The following RNF17 variants were observed in gnomAD, a reference collection of about 807,000 sequenced individuals.
RNF17 encodes ring finger protein 17, also known as spermatogenesis associated 23.
In RNF17, 31 loss-of-function variants were observed where a neutral mutation model predicts 200.5. The observed-to-expected ratio is 0.15, with a 90% CI of 0.12 to 0.21. The LOEUF is 0.21. RNF17 is among the 10% of genes least tolerant of loss of function. The pLI is 1.00. For synonymous variants in RNF17, 606 were observed against 637.8 expected, an observed-to-expected ratio of 0.95 and a Z score of 0.75; for missense variants, 1,628 against 1,905.1, an observed-to-expected ratio of 0.85 and a Z score of 2.71.
intron 32 of RNF17, among the ~76,000 whole-genome samples, chr13:24,873,811 G>A (rs1053426166): frequency 6.6e-6 from 1 of 152,032 alleles, no homozygotes; most frequent in East Asian, 1.9e-4. Flanking sequence ...GAGAACATGC[G>A]ATATTTGTCT....
At chr13:24,831,684 T>G (rs1313912575) in intron 17 of RNF17, among the ~76,000 whole-genome samples, 174 bp from the exon 18 acceptor site, 5 of 152,250 alleles carry the variant, frequency 3.3e-5, no homozygotes, top group Non-Finnish European at 5.9e-5. Context: ...CTGATTTCAA[T>G]GATTTGTGTT....
downstream of RNF17, among the ~76,000 whole-genome samples, chr13:24,880,461 A>T (rs913060410): frequency 6.6e-6 from 1 of 152,232 alleles, no homozygotes; most frequent in African/African-American, 2.4e-5. Context: ...TTTATCATTC[A>T]TATAAATGTC....
Position 24,796,236 on chromosome 13 carries a change from A to G in RNF17, c.1340A>G (p.Lys447Arg), listed in dbSNP as rs527342748. 7 of 1,612,748 alleles carry G rather than the reference A, an allele frequency of 4.3e-6. No homozygotes were observed. In the African/African-American group the frequency reaches 9.3e-5, roughly 21 times the overall value. The stretch of plus-strand genomic sequence containing the variant: ...AAAGACGCCAAAGTACTGGAGAAGA[A>G]GGTGAATGAATTTTGCAATAGGAGT... ...QIKDAKVLEKKVNEFCNRSSH... is the reference protein window; with the variant it reads ...QIKDAKVLEKRVNEFCNRSSH... Residue 447 changes from lysine (K) to arginine (R), a missense_variant, in exon 11 of 36, where the codon AAG (lysine) becomes AGG (arginine). Physicochemically the swap from Lys to Arg is conservative, Grantham distance 26. Around this residue, in one of 5 missense-constraint regions of RNF17, gnomAD observed 289 missense variants for 384.9 expected, o/e 0.75. Coordinates refer to ENST00000255324, the MANE Select transcript of RNF17 (RefSeq NM_031277.3).
chr13:24,767,985 G>A (rs115487696), intron 2 of RNF17, among the ~76,000 whole-genome samples: 3 of 151,732 alleles, frequency 2.0e-5, no homozygotes, highest in Non-Finnish European at 2.9e-5. Context: ...AAAAACCCTA[G>A]CCCCTGTTTT....
Position 24,842,083 on chromosome 13 carries a change from C to A in RNF17, c.2525C>A (p.Ser842Tyr). 6.2e-7 allele frequency: 1 copy of A among 1,611,380 alleles called. No homozygotes were observed. The highest frequency in any genetic ancestry group is 1.1e-5 in the South Asian group (1 of 90,758). ...DNVLLVELFDSLGAPEMTTTS... is the reference protein window; with the variant it reads ...DNVLLVELFDYLGAPEMTTTS... The stretch of plus-strand genomic sequence containing the variant: ...GTGCTCTTAGTTGAGCTTTTCGATT[C>A]TCTTGGTGCTCCTGAAATGACTACT... Residue 842 changes from serine to tyrosine, a missense_variant, in exon 19 of 36, where the codon TCT (serine) becomes TAT (tyrosine). Physicochemically the swap from Ser to Tyr is moderately radical, Grantham distance 144. Around this residue, in one of 5 missense-constraint regions of RNF17, gnomAD observed 227 missense variants for 319.8 expected, o/e 0.71. Coordinates refer to ENST00000255324, the MANE Select transcript of RNF17 (RefSeq NM_031277.3).
rs763491343 is a variant in RNF17 at position 24,851,612 on chromosome 13, G to A, written c.3320+41G>A. On this transcript the variant is annotated intron_variant, in intron 24 of 35. Transcript: ENST00000255324. The stretch of plus-strand genomic sequence containing the variant: ...AAAAATTTTGACATCAGTTTGTGAT[G>A]GATGCCTCAGTTGCGTGTGCAAATC... The A allele has an allele frequency of 3.1e-5, 37 of 1,188,338 alleles. No homozygotes were observed. In the Middle Eastern group the frequency reaches 5.7e-4, roughly 18 times the overall value. The allele number at this position is 1,188,338 out of a possible 1,614,324, so 73.6% of individuals were successfully genotyped here.
chr13:24,802,597 AT>A, intron 14 of RNF17, 26 bp downstream of exon 14: 1 of 1,550,844 alleles, frequency 6.4e-7, no homozygotes, highest in Non-Finnish European at 8.8e-7. Flanking sequence ...AAACTTAAAT[AT>A]TCTTTGAGAT....
intron 24 of RNF17, among the ~76,000 whole-genome samples, chr13:24,853,214 C>T (rs1388019839): frequency 6.6e-6 from 1 of 151,952 alleles, no homozygotes; most frequent in East Asian, 1.9e-4. Flanking sequence ...ATGCCCGGCC[C>T]TTATTTCCTT....
At chr13:24,764,886 GGGGT>G (rs1566105968) in intron 1 of RNF17, among the ~76,000 whole-genome samples, 8 of 62,986 alleles carry the variant, frequency 1.3e-4, no homozygotes, top group Admixed American at 2.0e-4. Flanking sequence ...TGCACCTTGT[GGGGT>G]GTGTGTGTGT....
intron 17 of RNF17, 79 bp from the exon 18 acceptor site, chr13:24,831,779 A>T: frequency 8.1e-7 from 1 of 1,238,670 alleles, no homozygotes; most frequent in Non-Finnish European, 1.1e-6. Context: ...TTAGTTTTGT[A>T]CACACTTAAT....
chr13:24,781,440 G>A (rs1171458290), intron 5 of RNF17, among the ~76,000 whole-genome samples: 3 of 151,476 alleles, frequency 2.0e-5, no homozygotes, highest in Non-Finnish European at 4.4e-5. Flanking sequence ...GAGACCAGCC[G>A]GGGCAACATA....
chr13:24,880,556 A>G (rs1308547512), downstream of RNF17, among the ~76,000 whole-genome samples: 4 of 152,048 alleles, frequency 2.6e-5, no homozygotes, highest in Non-Finnish European at 4.4e-5. Context: ...TTTATTTTCT[A>G]TTTTATTTGC....
chr13:24,868,531 C>A (rs1893916135), intron 30 of RNF17, 69 bp from the exon 31 acceptor site: 8 of 610,190 alleles, frequency 1.3e-5, no homozygotes, highest in South Asian at 1.1e-4. Flanking sequence ...TTGGCACCAT[C>A]ATGAATTTTT....
intron 17 of RNF17, among the ~76,000 whole-genome samples, chr13:24,831,414 C>T (rs1889377513): frequency 6.6e-6 from 1 of 152,076 alleles, no homozygotes; most frequent in African/African-American, 2.4e-5. Context: ...TGCCCTCTAG[C>T]CTGGGTGACA....
chr13:24,812,722 C>T (rs2137841532), intron 15 of RNF17, among the ~76,000 whole-genome samples: 1 of 135,836 alleles, frequency 7.4e-6, no homozygotes, highest in African/African-American at 2.7e-5. Flanking sequence ...CGCTCTGTCG[C>T]CCAGGCTGGA....
chr13:24,885,754 ATCCTG>A, the RNF17 span: 7 of 972,414 alleles, frequency 7.2e-6, no homozygotes, highest in Non-Finnish European at 9.9e-6. Context: ...CTTAGTTCAT[ATCCTG>A]TGAACTGCTG....
intron 15 of RNF17, among the ~76,000 whole-genome samples, chr13:24,806,687 G>T (rs1301624196): frequency 1.3e-5 from 2 of 151,810 alleles, no homozygotes; most frequent in Non-Finnish European, 2.9e-5. Flanking sequence ...TAGGGTACAT[G>T]TGCACAATGT....
chr13:24,887,636 G>A, the RNF17 span, among the ~76,000 whole-genome samples: 1 of 151,922 alleles, frequency 6.6e-6, no homozygotes. Context: ...ACATTATGGT[G>A]AGTTGTATAA....
rs772684842 is a variant in RNF17, at chr13:24,793,135, A to G, written c.1029A>G (p.Leu343=). ...CTTGTTACGATACATACCCACCGCT[A>G]GAAAAGAAAAAGGTTGACATGTCTG... ...ELSCYDTYPP[L]EKKKVDMSVL... The change falls in exon 10 of 36, where the codon CTA becomes CTG. Residue 343 remains leucine, a synonymous_variant. Coordinates refer to ENST00000255324, the MANE Select transcript of RNF17 (RefSeq NM_031277.3). 2 of 1,613,954 alleles carry G rather than the reference A, an allele frequency of 1.2e-6. No homozygotes were observed. Among genetic ancestry groups the G allele is most frequent in the South Asian group, 1.1e-5 (1 of 91,068 alleles).
Sources: gnomAD v4.1 joint callset for allele counts (sites outside exome capture counted in the v4.1 genomes callset) on GRCh38, gnomAD v4.1.1 for gene constraint, gnomAD v4.1.1 regional missense constraint, MANE v1.5 for transcripts, NCBI Gene and HGNC (gene_info 2026-07-23, HGNC 2026-07-21) for gene names.